CSMD3: variants seen among roughly 807,000 people sequenced by gnomAD.
CSMD3 encodes the protein CUB and Sushi multiple domains 3.
In CSMD3, 177 loss-of-function variants were observed where a neutral mutation model predicts 435.2. The observed-to-expected ratio is 0.41, with a 90% CI of 0.36 to 0.46. The LOEUF (loss-of-function observed/expected upper bound fraction) is 0.46. Ranked by LOEUF, CSMD3 falls within the 20% of genes least tolerant of loss-of-function variation. The probability of loss-of-function intolerance (pLI) is 0.34; values close to 1 mark genes in which losing one functional copy is unlikely to be tolerated. For synonymous variants in CSMD3, 1,656 were observed against 1,520.5 expected (o/e 1.09, Z -2.07); for missense variants, 4,265 against 4,504.6 (o/e 0.95, Z 1.52).
chr8:113,119,568 G>A (rs989166718), intron 4 of CSMD3, among the ~76,000 whole-genome samples: 1 of 152,120 alleles, frequency 6.6e-6, no homozygotes, highest in Non-Finnish European at 1.5e-5. Context: ...AGGAGGAAAA[G>A]AAACCAAAGA....
intron 1 of CSMD3, among the ~76,000 whole-genome samples, chr8:113,342,493 A>T (rs2094126465): frequency 6.6e-6 from 1 of 152,178 alleles, no homozygotes; most frequent in African/African-American, 2.4e-5. Context: ...AATTGATTAA[A>T]TTGATCTGAT....
At chr8:112,716,285 TAAG>T in intron 13 of CSMD3, among the ~76,000 whole-genome samples, 1 of 151,936 alleles carries the variant, frequency 6.6e-6, no homozygotes, top group African/African-American at 2.4e-5. Context: ...CAACTATAGA[TAAG>T]CAGAGAGCCA....
chr8:112,878,163 A>G (rs1431652678), intron 10 of CSMD3, among the ~76,000 whole-genome samples: 1 of 152,312 alleles, frequency 6.6e-6, no homozygotes, highest in Non-Finnish European at 1.5e-5. Flanking sequence ...TTTGCAATGT[A>G]TCCATCTGAC....
intron 17 of CSMD3, among the ~76,000 whole-genome samples, chr8:112,658,530 G>T (rs980856855): frequency 1.1e-4 from 17 of 152,114 alleles, no homozygotes; most frequent in Admixed American, 1.0e-3. Flanking sequence ...GTGAATTTTT[G>T]AAGTGTATTT....
chr8:112,713,915 C>G (rs1166919685), intron 13 of CSMD3, among the ~76,000 whole-genome samples: 2 of 148,892 alleles, frequency 1.3e-5, no homozygotes, highest in East Asian at 2.0e-4. Flanking sequence ...GCAAGAGCTC[C>G]TGAAGGAAGC....
intron 5 of CSMD3, among the ~76,000 whole-genome samples, chr8:113,025,445 G>A (rs573436330): frequency 6.6e-6 from 1 of 152,276 alleles, no homozygotes; most frequent in South Asian, 2.1e-4. Flanking sequence ...TGGCCACCAT[G>A]ATAGTTTCAG....
At chr8:112,485,204 C>T (rs1272512617) in intron 31 of CSMD3, among the ~76,000 whole-genome samples, 1 of 152,058 alleles carries the variant, frequency 6.6e-6, no homozygotes, top group Non-Finnish European at 1.5e-5. Context: ...ACAAAATATG[C>T]TTTGGTTTTA....
intron 11 of CSMD3, among the ~76,000 whole-genome samples, chr8:112,843,302 G>A (rs1253960081): frequency 6.6e-6 from 1 of 151,806 alleles, no homozygotes; most frequent in East Asian, 1.9e-4. Flanking sequence ...GGATTTAGAT[G>A]CTCATAAAAG....
chr8:112,861,593 C>T (rs1274707889), intron 10 of CSMD3, among the ~76,000 whole-genome samples: 2 of 152,014 alleles, frequency 1.3e-5, no homozygotes, highest in Non-Finnish European at 2.9e-5. Flanking sequence ...TGTGCCACTT[C>T]TTTCCATAAG....
chr8:112,623,078 TA>T (rs1834204638), intron 22 of CSMD3, among the ~76,000 whole-genome samples: 4 of 152,006 alleles, frequency 2.6e-5, no homozygotes, highest in African/African-American at 7.2e-5. Context: ...CAGAACAACA[TA>T]GAAAAATGCA....
chr8:113,013,661 T>C (rs923429043), intron 6 of CSMD3, among the ~76,000 whole-genome samples: 3 of 152,036 alleles, frequency 2.0e-5, no homozygotes, highest in Admixed American at 6.6e-5. Flanking sequence ...AGGATCTAGA[T>C]AGCTAATCTT....
At position 113,357,038 on chromosome 8, in the gene CSMD3, C is replaced by A. The variant is rs191524175; in HGVS notation, c.179-42245G>T. On this transcript the variant is annotated intron_variant, in intron 1 of 70. Coordinates refer to ENST00000297405, the MANE Select transcript of CSMD3 (RefSeq NM_198123.2). ...ATACTTAAAAACTCCTTAGACCTCC[C>A]AGAAATGAAAAAAATATATATACAT... Among the ~76,000 whole-genome samples the A allele has an allele frequency of 4.8e-3, 732 of 151,930 alleles. 12 individuals carry two copies. Among genetic ancestry groups the A allele is most frequent in the African/African-American group, 0.017 (705 of 41,438 alleles).
chr8:113,108,428 A>G (rs1323964258), intron 4 of CSMD3, among the ~76,000 whole-genome samples: 4 of 148,416 alleles, frequency 2.7e-5, no homozygotes, highest in Non-Finnish European at 6.0e-5. Flanking sequence ...CGCCATCTCA[A>G]AAAAAAAAAA....
At chr8:112,613,726 G>A (rs1180929829) in intron 22 of CSMD3, among the ~76,000 whole-genome samples, 1 of 152,042 alleles carries the variant, frequency 6.6e-6, no homozygotes, top group Non-Finnish European at 1.5e-5. Context: ...CTGTGCTAGA[G>A]ATCCAGCCAT....
intron 17 of CSMD3, among the ~76,000 whole-genome samples, chr8:112,659,267 TAC>T (rs2075324924): frequency 6.6e-6 from 1 of 152,220 alleles, no homozygotes; most frequent in Non-Finnish European, 1.5e-5. Context: ...GGGATAGGGT[TAC>T]ACAATAAATT....
At chr8:112,945,535 C>A (rs1490879476) in intron 9 of CSMD3, among the ~76,000 whole-genome samples, 1 of 150,766 alleles carries the variant, frequency 6.6e-6, no homozygotes, top group Non-Finnish European at 1.5e-5. Flanking sequence ...GCAGATGTTA[C>A]CCTAAAAGTG....
intron 10 of CSMD3, among the ~76,000 whole-genome samples, chr8:112,916,073 C>T (rs945416316): frequency 6.6e-5 from 10 of 151,688 alleles, no homozygotes; most frequent in Non-Finnish European, 1.3e-4. Flanking sequence ...AGCAAATGAG[C>T]AAGGTTATAC....
intron 32 of CSMD3, among the ~76,000 whole-genome samples, chr8:112,439,278 C>G (rs1814717191): frequency 6.6e-6 from 1 of 152,034 alleles, no homozygotes; most frequent in Admixed American, 6.6e-5. Flanking sequence ...GTAGCTGGGA[C>G]TACAGGTGCC....
At chr8:113,163,585 G>GA (rs1455524804) in intron 4 of CSMD3, among the ~76,000 whole-genome samples, 235 of 151,892 alleles carry the variant, frequency 1.5e-3, no homozygotes, top group African/African-American at 5.5e-3. Context: ...TTAAACTGTA[G>GA]AAAAAATTAA....
Sources: allele counts gnomAD v4.1 joint callset (sites outside exome capture counted in the v4.1 genomes callset), GRCh38; gene constraint gnomAD v4.1.1; transcripts MANE v1.5; gene names NCBI Gene and HGNC (gene_info 2026-07-23, HGNC 2026-07-21).